The following PTPRD variants were observed in gnomAD, a reference collection of about 807,000 sequenced individuals.
The protein encoded by PTPRD is protein tyrosine phosphatase receptor type D.
A neutral mutation model predicts 214.5 loss-of-function variants in PTPRD; 34 were observed. That is an observed-to-expected ratio of 0.16 (90% CI 0.12 to 0.21). PTPRD has a LOEUF of 0.21. Ranked by LOEUF, PTPRD falls within the 10% of genes least tolerant of loss-of-function variation. PTPRD has a pLI of 1.00. For synonymous variants in PTPRD, 1,128 were observed against 845.7 expected (o/e 1.33, Z -5.79); for missense variants, 2,545 against 2,398.7 (o/e 1.06, Z -1.27).
At chr9:9,058,857 G>A (rs1392484963) in intron 10 of PTPRD, among the ~76,000 whole-genome samples, 2 of 152,052 alleles carry the variant, frequency 1.3e-5, no homozygotes, top group African/African-American at 4.8e-5. Flanking sequence ...GGGAAAATAA[G>A]GTAATGTAAT....
chr9:8,698,233 T>A (rs1249002627), intron 12 of PTPRD, among the ~76,000 whole-genome samples: 1 of 152,220 alleles, frequency 6.6e-6, no homozygotes, highest in Non-Finnish European at 1.5e-5. Context: ...ATACCTACTG[T>A]GTGATAGATG....
At chr9:9,879,765 A>C (rs2068051556) in intron 5 of PTPRD, among the ~76,000 whole-genome samples, 2 of 152,164 alleles carry the variant, frequency 1.3e-5, no homozygotes, top group Non-Finnish European at 2.9e-5. Flanking sequence ...AGAAGCTTGA[A>C]AGGGTGGAAC....
intron 11 of PTPRD, among the ~76,000 whole-genome samples, chr9:8,874,513 G>T (rs929815354): frequency 6.6e-6 from 1 of 152,142 alleles, no homozygotes; most frequent in Non-Finnish European, 1.5e-5. Context: ...TCTTCACTCT[G>T]CACCTCCCCT....
intron 3 of PTPRD, among the ~76,000 whole-genome samples, chr9:10,329,874 T>G (rs1356465012): frequency 1.3e-5 from 2 of 151,854 alleles, no homozygotes; most frequent in South Asian, 2.1e-4. Context: ...CATGGCATAG[T>G]CTGTCATGTA....
At chr9:8,844,453 AC>A (rs1325751331) in intron 11 of PTPRD, among the ~76,000 whole-genome samples, 3 of 152,200 alleles carry the variant, frequency 2.0e-5, no homozygotes, top group African/African-American at 7.2e-5. Flanking sequence ...AACAATAGTC[AC>A]TGAGCAGTTT....
At chr9:8,349,726 T>C (rs2074894906) in intron 39 of PTPRD, among the ~76,000 whole-genome samples, 1 of 152,152 alleles carries the variant, frequency 6.6e-6, no homozygotes, top group South Asian at 2.1e-4. Flanking sequence ...TTAGTACATT[T>C]ATTATGTTAT....
intron 3 of PTPRD, among the ~76,000 whole-genome samples, chr9:10,110,611 T>A (rs2098682313): frequency 6.6e-6 from 1 of 150,720 alleles, no homozygotes. Context: ...AAAAGAGCAA[T>A]TTTGTCTCAA....
At chr9:8,979,590 A>C (rs2099295432) in intron 11 of PTPRD, among the ~76,000 whole-genome samples, 1 of 152,186 alleles carries the variant, frequency 6.6e-6, no homozygotes, top group Admixed American at 6.6e-5. Flanking sequence ...TTGAACAGAC[A>C]TTTCTCCAAA....
At chr9:10,063,538 T>C (rs2097818925) in intron 3 of PTPRD, among the ~76,000 whole-genome samples, 1 of 152,074 alleles carries the variant, frequency 6.6e-6, no homozygotes, top group South Asian at 2.1e-4. Context: ...CCTTCAGTCT[T>C]AGCTTTCACA....
At chr9:9,576,776 G>A (rs1185243581) in intron 7 of PTPRD, among the ~76,000 whole-genome samples, 1 of 152,094 alleles carries the variant, frequency 6.6e-6, no homozygotes, top group Non-Finnish European at 1.5e-5. Flanking sequence ...AAGCTTTAAG[G>A]TTTTAACATT....
At chr9:10,542,301 G>T (rs1191030027) in intron 2 of PTPRD, among the ~76,000 whole-genome samples, 11 of 152,094 alleles carry the variant, frequency 7.2e-5, no homozygotes, top group Admixed American at 7.2e-4. Flanking sequence ...GAAAGGGTTT[G>T]AAAGATGGTA....
intron 9 of PTPRD, among the ~76,000 whole-genome samples, chr9:9,320,150 G>C (rs1381082280): frequency 1.3e-5 from 2 of 152,166 alleles, no homozygotes; most frequent in Non-Finnish European, 2.9e-5. Context: ...TTTTTGTAAT[G>C]TCAAAAATGT....
At chr9:10,466,711 G>C (rs976832890) in intron 2 of PTPRD, among the ~76,000 whole-genome samples, 1 of 147,726 alleles carries the variant, frequency 6.8e-6, no homozygotes, top group Non-Finnish European at 1.5e-5. Flanking sequence ...ATGTAAAGCA[G>C]AATTCAGACT....
At chr9:8,330,093 G>A (rs1262133438) in intron 44 of PTPRD, among the ~76,000 whole-genome samples, 2 of 152,100 alleles carry the variant, frequency 1.3e-5, no homozygotes, top group East Asian at 3.9e-4. Context: ...GTTCCTCGTG[G>A]TACAGTCTCT....
chr9:8,408,569 T>C (rs955343522), intron 35 of PTPRD, among the ~76,000 whole-genome samples: 2 of 152,194 alleles, frequency 1.3e-5, no homozygotes, highest in African/African-American at 4.8e-5. Flanking sequence ...TAATACACTT[T>C]TATACATGAT....
chr9:10,596,801 T>A (rs897109077), intron 2 of PTPRD, among the ~76,000 whole-genome samples: 1 of 151,650 alleles, frequency 6.6e-6, no homozygotes, highest in African/African-American at 2.4e-5. Flanking sequence ...ACTAGCTTCA[T>A]AGTTGTTAAT....
intron 4 of PTPRD, among the ~76,000 whole-genome samples, chr9:10,025,127 A>C (rs929893641): frequency 1.3e-5 from 2 of 152,046 alleles, no homozygotes; most frequent in African/African-American, 4.8e-5. Context: ...ATGATTTACA[A>C]TCCTTTGGGT....
chr9:10,327,171 GTA>G (rs33959310), intron 3 of PTPRD, among the ~76,000 whole-genome samples: 21,815 of 142,664 alleles, frequency 0.15, 1,781 homozygotes, highest in Admixed American at 0.25. Flanking sequence ...ATATGTGTGT[GTA>G]TATATATATA....
chr9:9,000,047 T>C (rs540694364), intron 11 of PTPRD, among the ~76,000 whole-genome samples: 1 of 152,170 alleles, frequency 6.6e-6, no homozygotes, highest in African/African-American at 2.4e-5. Context: ...GTCCAAATGC[T>C]GCTTTTATGG....
Sources: allele counts gnomAD v4.1 joint callset (sites outside exome capture counted in the v4.1 genomes callset), GRCh38; gene constraint gnomAD v4.1.1; transcripts MANE v1.5; gene names NCBI Gene and HGNC (gene_info 2026-07-23, HGNC 2026-07-21).